Variants in QTGAL observed in about 807,000 individuals in gnomAD.
QTGAL encodes queuosine-tRNA galactosyltransferase, also known as BGnT-like protein 1.
chr17:83,002,502 G>GTGT, the QTGAL span, among the ~76,000 whole-genome samples: 1 of 152,224 alleles, frequency 6.6e-6, no homozygotes, highest in African/African-American at 2.4e-5. Context: ...CTAGTCACCA[G>GTGT]GACACGCGCC....
At chr17:83,017,835 C>G in the QTGAL span, among the ~76,000 whole-genome samples, 1 of 150,922 alleles carries the variant, frequency 6.6e-6, no homozygotes, top group Non-Finnish European at 1.5e-5. Context: ...ACCACATGTG[C>G]TCCACAAACA....
chr17:82,960,638 G>A, the QTGAL span, among the ~76,000 whole-genome samples: 27 of 152,280 alleles, frequency 1.8e-4, no homozygotes, highest in East Asian at 1.9e-4. Flanking sequence ...AGCACTGGGC[G>A]CGTCCTCACT....
At chr17:83,046,829 C>T in the QTGAL span, among the ~76,000 whole-genome samples, 1 of 152,250 alleles carries the variant, frequency 6.6e-6, no homozygotes, top group Admixed American at 6.5e-5. Flanking sequence ...CAAATGTCCA[C>T]TGCCTGACAA....
chr17:83,029,046 A>C, the QTGAL span, among the ~76,000 whole-genome samples: 2 of 152,226 alleles, frequency 1.3e-5, no homozygotes, highest in Non-Finnish European at 2.9e-5. Context: ...TGGGGCTCCA[A>C]GTCAGGGCAG....
the QTGAL span, among the ~76,000 whole-genome samples, chr17:83,033,533 G>A: frequency 4.7e-5 from 7 of 150,508 alleles, no homozygotes; most frequent in Admixed American, 2.0e-4. Flanking sequence ...GTGCAGTGGC[G>A]TGATCTCGGC....
the QTGAL span, among the ~76,000 whole-genome samples, chr17:82,994,590 A>G: frequency 6.6e-6 from 1 of 152,192 alleles, no homozygotes; most frequent in Non-Finnish European, 1.5e-5. Flanking sequence ...CTGGGACCCA[A>G]TGGCTTCACT....
chr17:83,015,103 C>T, the QTGAL span, among the ~76,000 whole-genome samples: 6 of 149,344 alleles, frequency 4.0e-5, no homozygotes, highest in South Asian at 1.1e-3. This position sits in a 1 kb window ranked among gnomAD's most constrained non-coding sequence, Gnocchi z 4.4. Flanking sequence ...GAGGACCTGC[C>T]ACCACTGTGG....
the QTGAL span, among the ~76,000 whole-genome samples, chr17:82,955,669 A>G: frequency 2.6e-5 from 4 of 152,306 alleles, 1 homozygote; most frequent in African/African-American, 4.8e-5. Flanking sequence ...AAGGAATACA[A>G]ATCATTCTAT....
the QTGAL span, chr17:82,956,651 C>T: frequency 6.7e-7 from 1 of 1,502,074 alleles, no homozygotes; most frequent in Non-Finnish European, 9.0e-7. The surrounding 1 kb of genome is among the most constrained non-coding windows in gnomAD (Gnocchi z 5.7). Flanking sequence ...GTGGCAGAGC[C>T]CGGGATCCCC....
the QTGAL span, chr17:82,945,580 AAAAT>A: frequency 2.0e-5 from 3 of 152,336 alleles, no homozygotes; most frequent in South Asian, 6.2e-4. Flanking sequence ...AGAAGAGAAC[AAAAT>A]TAAGTCATTT....
the QTGAL span, among the ~76,000 whole-genome samples, chr17:83,039,791 A>C: frequency 6.6e-6 from 1 of 152,214 alleles, no homozygotes; most frequent in African/African-American, 2.4e-5. Flanking sequence ...CCCACACCCA[A>C]GTCTACTTTA....
At chr17:83,002,442 A>G in the QTGAL span, among the ~76,000 whole-genome samples, 1 of 152,160 alleles carries the variant, frequency 6.6e-6, no homozygotes, top group Non-Finnish European at 1.5e-5. Flanking sequence ...CGTTTTAAGT[A>G]TTTTCACAAC....
the QTGAL span, among the ~76,000 whole-genome samples, chr17:82,997,928 A>ATATATATAT: frequency 2.6e-5 from 2 of 78,316 alleles, no homozygotes; most frequent in South Asian, 6.0e-4. Context: ...TTTAAAAAAA[A>ATATATATAT]AAATATATAT....
At chr17:83,047,551 T>C in the QTGAL span, among the ~76,000 whole-genome samples, 1 of 138,890 alleles carries the variant, frequency 7.2e-6, no homozygotes, top group South Asian at 2.3e-4. Context: ...GAAATTTAGG[T>C]CTATAATAAA....
At chr17:83,018,541 G>A in the QTGAL span, among the ~76,000 whole-genome samples, 1 of 152,064 alleles carries the variant, frequency 6.6e-6, no homozygotes, top group Non-Finnish European at 1.5e-5. Context: ...CCAAGAAAAC[G>A]GAGGTTTGGA....
At chr17:82,951,250 G>C in the QTGAL span, among the ~76,000 whole-genome samples, 4 of 152,324 alleles carry the variant, frequency 2.6e-5, no homozygotes, top group African/African-American at 9.6e-5. Context: ...ATCTGTGGTT[G>C]AGTGCGGCCA....
the QTGAL span, chr17:82,947,181 T>C: frequency 1.9e-6 from 1 of 525,608 alleles, no homozygotes; most frequent in Non-Finnish European, 3.4e-6. Context: ...CCACAGGCCC[T>C]GTTGGTCACC....
chr17:82,946,465 C>G, the QTGAL span, among the ~76,000 whole-genome samples: 6 of 151,966 alleles, frequency 3.9e-5, no homozygotes, highest in Admixed American at 3.9e-4. Flanking sequence ...AAATTGATCA[C>G]CTACTACCAT....
At chr17:82,967,056 G>A in the QTGAL span, among the ~76,000 whole-genome samples, 1 of 152,176 alleles carries the variant, frequency 6.6e-6, no homozygotes, top group Non-Finnish European at 1.5e-5. Flanking sequence ...TCGTGAAAAC[G>A]TGCTCTATGT....
Sources: allele counts gnomAD v4.1 joint callset (sites outside exome capture counted in the v4.1 genomes callset), GRCh38; gene constraint gnomAD v4.1.1; non-coding constraint Gnocchi (gnomAD v3.1); transcripts MANE v1.5; gene names NCBI Gene and HGNC (gene_info 2026-07-23, HGNC 2026-07-21).